MIER2: variants seen among roughly 807,000 people sequenced by gnomAD.
The protein encoded by MIER2 is MIER family member 2.
Under a neutral mutation model 67.6 loss-of-function variants are expected in MIER2, and 30 were observed. The observed-to-expected ratio is 0.44, with a 90% CI of 0.33 to 0.60. The LOEUF is 0.60. Ranked by LOEUF, MIER2 falls within the 20% of genes least tolerant of loss-of-function variation. MIER2 has a pLI of 0.02. For missense variants in MIER2, 702 were observed against 745.1 expected, an observed-to-expected ratio of 0.94 and a Z score of 0.67; for synonymous variants, 372 against 312.6, an observed-to-expected ratio of 1.19 and a Z score of -2.00.
Position 308,882 on chromosome 19 carries a change from A to G in MIER2, c.1028T>C (p.Leu343Pro). The change falls in exon 11 of 14, where the codon CTG becomes CCG. Residue 343 changes from leucine (L) to proline (P), a missense_variant. This residue lies in a region of MIER2 where 128 missense variants were observed against 189.7 expected (regional missense o/e 0.67). Transcript: ENST00000264819. This position sits in a 1 kb window ranked among gnomAD's most constrained non-coding sequence, Gnocchi z 9.1. ...GTCGTAGCGCTCCGACTTCTTCCAC[A>G]GGTAGTAGTACTCGACACACTCGCC... The part of the protein sequence containing the change: ...SVGECVEYYY[L>P]WKKSERYDYF... 1 of 1,611,372 alleles carries G rather than the reference A, an allele frequency of 6.2e-7. No homozygotes were observed. The highest frequency in any genetic ancestry group is 8.5e-7 in the Non-Finnish European group (1 of 1,178,430).
intron 3 of MIER2, among the ~76,000 whole-genome samples, chr19:332,308 T>C (rs1220608457): frequency 6.6e-6 from 1 of 152,086 alleles, no homozygotes; most frequent in Non-Finnish European, 1.5e-5. Context: ...ATGTCAATTT[T>C]TTTTGTTTTT....
At chr19:316,729 C>T (rs1369925931) in intron 7 of MIER2, among the ~76,000 whole-genome samples, 2 of 152,210 alleles carry the variant, frequency 1.3e-5, no homozygotes, top group African/African-American at 2.4e-5. Flanking sequence ...GTAATGTCAG[C>T]ACTTTGGGAG....
Position 334,474 on chromosome 19 carries a change from T to G in MIER2, c.169A>C (p.Arg57=), listed in dbSNP as rs11084956. ...CTCGAGGCCTCCTCGCACTCCCCCC[T>G]AACACTGTAGTTCTGTGACAGGATC... ...AEILSQNYSV[R]GECEEASRCP... Residue 57 remains arginine, a synonymous_variant, in exon 3 of 14, where the codon AGG becomes CGG. Coordinates refer to ENST00000264819, the MANE Select transcript of MIER2 (RefSeq NM_017550.3). The G allele has an allele frequency of 0.11, 176,101 of 1,613,888 alleles. 14,253 individuals carry two copies. Among genetic ancestry groups the G allele is most frequent in the African/African-American group, 0.41 (30,769 of 74,926 alleles).
At position 308,724 on chromosome 19, in the gene MIER2, G is replaced by A. The variant is rs1306466988; in HGVS notation, c.1110-59C>T. 2.5e-6 allele frequency: 4 copies of A among 1,593,416 alleles called. No homozygotes were observed. Among genetic ancestry groups the A allele is most frequent in the Admixed American group, 3.4e-5 (2 of 58,716 alleles). On this transcript the variant is annotated intron_variant, in intron 11 of 13. Transcript: ENST00000264819. This position sits in a 1 kb window ranked among gnomAD's most constrained non-coding sequence, Gnocchi z 9.1. ...CAGGACAGACGCCCCCACCCAAGAG[G>A]TGCCGCCCAGGCGCCCACGTGCCCA...
intron 1 of MIER2, 105 bp from the exon 2 acceptor site, chr19:336,278 G>C (rs1403614944): frequency 3.3e-6 from 3 of 912,828 alleles, no homozygotes; most frequent in East Asian, 2.7e-5. Context: ...CCAGTCCCCA[G>C]TGACCAGGGA....
At chr19:325,736 T>C (rs1271755013) in intron 6 of MIER2, 32 bp from the exon 7 acceptor site, 2 of 1,613,578 alleles carry the variant, frequency 1.2e-6, no homozygotes, top group East Asian at 2.2e-5. Flanking sequence ...ATCAGGACAC[T>C]GAGGAGCATC....
intron 1 of MIER2, 140 bp from the exon 2 acceptor site, chr19:336,313 G>A: frequency 1.5e-6 from 1 of 664,668 alleles, no homozygotes; most frequent in Non-Finnish European, 2.6e-6. Flanking sequence ...CGCCTCTGAG[G>A]GCTGGGGGGC....
rs1972151868 is a variant in MIER2 at position 334,471 on chromosome 19, C to T, written c.172G>A (p.Gly58Arg). The change falls in exon 3 of 14, where the codon GGG becomes AGG. Residue 58 changes from glycine (G) to arginine (R), a missense_variant. Gly to Arg is a moderately radical substitution (Grantham distance 125). Transcript: ENST00000264819. ...CACCTCGAGGCCTCCTCGCACTCCC[C>T]CCTAACACTGTAGTTCTGTGACAGG... ...EILSQNYSVR[G>R]ECEEASRCPD... is the part of the protein sequence containing the mutation. 3 of 1,614,178 alleles carry T rather than the reference C, an allele frequency of 1.9e-6. No homozygotes were observed. The highest frequency in any genetic ancestry group is 1.7e-6 in the Non-Finnish European group (2 of 1,180,022).
intron 4 of MIER2, 122 bp downstream of exon 4, chr19:327,742 C>T: frequency 1.4e-6 from 2 of 1,459,960 alleles, no homozygotes; most frequent in Non-Finnish European, 9.1e-7. Flanking sequence ...GTCACAGGTA[C>T]ATTCTACTTA....
chr19:340,799 G>A (rs1168685368), intron 1 of MIER2, among the ~76,000 whole-genome samples: 3 of 152,172 alleles, frequency 2.0e-5, no homozygotes, highest in African/African-American at 7.2e-5. Context: ...CAAGCTCTAA[G>A]TGGAGACTGA....
chr19:334,367 C>T (rs778369316), intron 3 of MIER2, 33 bp downstream of exon 3: 2 of 1,612,930 alleles, frequency 1.2e-6, no homozygotes, highest in Admixed American at 1.7e-5. Context: ...GGGCTCCACC[C>T]AACACAGGGG....
At chr19:334,863 G>A (rs780164473) in intron 2 of MIER2, among the ~76,000 whole-genome samples, 5 of 152,306 alleles carry the variant, frequency 3.3e-5, no homozygotes, top group Middle Eastern at 3.4e-3. Flanking sequence ...CACCCATCTC[G>A]TTAGGGTAGA....
At position 306,369 on chromosome 19, in the gene MIER2, C is replaced by T. The variant is rs998006604; in HGVS notation, c.*321G>A. 1.5e-5 allele frequency: 7 copies of T among 482,284 alleles called. No individual in the cohort carries two copies. Among genetic ancestry groups the T allele is most frequent in the African/African-American group, 2.0e-5 (1 of 50,014 alleles). The allele number at this position is 482,284 out of a possible 1,614,324, so 29.9% of individuals were successfully genotyped here. A position where few individuals can be genotyped will look rare whatever the true frequency, so the allele number is the denominator to read the frequency against. On this transcript the variant is annotated 3_prime_UTR_variant, in exon 14 of 14. Transcript: ENST00000264819. ...TGCTGGCTGGAAGGGACTAGGTGGC[C>T]GGCTCTGCCCTGCGTCCCAACGGCG...
intron 3 of MIER2, among the ~76,000 whole-genome samples, chr19:332,651 G>A (rs1568234818): frequency 8.6e-6 from 1 of 116,862 alleles, no homozygotes; most frequent in Non-Finnish European, 1.7e-5. Context: ...GGCCAGGCTA[G>A]GCTCAAACTC....
At chr19:320,358 C>A (rs917296269) in intron 7 of MIER2, among the ~76,000 whole-genome samples, 2 of 150,646 alleles carry the variant, frequency 1.3e-5, no homozygotes, top group Admixed American at 6.6e-5. Flanking sequence ...CCAGCCTGAG[C>A]GACAGAGCAA....
At position 307,290 on chromosome 19, in the gene MIER2, AG is replaced by A; in HGVS notation, c.1444del (p.Leu482SerfsTer36). On this transcript the variant is annotated frameshift_variant, in exon 13 of 14. Coordinates refer to ENST00000264819, the MANE Select transcript of MIER2 (RefSeq NM_017550.3). LOFTEE classifies it high-confidence loss of function. ...VDFALPKELP[L>X]ISSHVDLSGD... is the part of the protein sequence containing the mutation. The stretch of plus-strand genomic sequence containing the variant: ...GCTGAGGTCCACATGGCTGGAGATG[AG>A]GGGCAGCTCCTTGGGCAGGGCGAAG... 1 of 1,599,426 alleles carries A rather than the reference AG, an allele frequency of 6.3e-7. No homozygotes were observed. The highest frequency in any genetic ancestry group is 8.5e-7 in the Non-Finnish European group (1 of 1,173,714).
At chr19:318,182 C>T (rs113504058) in intron 7 of MIER2, among the ~76,000 whole-genome samples, 8 of 151,998 alleles carry the variant, frequency 5.3e-5, no homozygotes, top group African/African-American at 1.7e-4. Context: ...CCAGAGACTC[C>T]GTCTCAAAAA....
At chr19:310,205 G>T (rs1358217585) in intron 10 of MIER2, among the ~76,000 whole-genome samples, 1 of 152,208 alleles carries the variant, frequency 6.6e-6, no homozygotes, top group African/African-American at 2.4e-5. Flanking sequence ...GCCACTGCTG[G>T]TGATGGCGGA....
chr19:312,652 C>T (rs1175859338), intron 8 of MIER2, among the ~76,000 whole-genome samples: 78 of 72,032 alleles, frequency 1.1e-3, no homozygotes, highest in Admixed American at 2.0e-3. Context: ...GTCCACACCA[C>T]CCTCCTGGGC....
Sources: allele counts gnomAD v4.1 joint callset (sites outside exome capture counted in the v4.1 genomes callset), GRCh38; gene constraint gnomAD v4.1.1; regional missense constraint gnomAD v4.1.1; non-coding constraint Gnocchi (gnomAD v3.1); transcripts MANE v1.5; gene names NCBI Gene and HGNC (gene_info 2026-07-23, HGNC 2026-07-21).